TRAPPC6B: variants seen among roughly 807,000 people sequenced by gnomAD.
The protein encoded by TRAPPC6B is trafficking protein particle complex subunit 6B.
TRAPPC6B carries 27 observed loss-of-function variants against 24.7 expected under a neutral mutation model. That is an observed-to-expected ratio of 1.09 (90% CI 0.81 to 1.51). TRAPPC6B has a LOEUF of 1.51. TRAPPC6B is among the 40% of genes most tolerant of loss of function. The pLI is 0.00. For synonymous variants in TRAPPC6B, 80 were observed against 66.6 expected (o/e 1.20, Z -0.98); for missense variants, 212 against 190.8 (o/e 1.11, Z -0.66).
At chr14:39,169,205 C>A (rs559633044) in intron 1 of TRAPPC6B, among the ~76,000 whole-genome samples, 2 of 152,278 alleles carry the variant, frequency 1.3e-5, no homozygotes, top group South Asian at 4.1e-4. Flanking sequence ...ATTCTACCAG[C>A]CAATACTCAG....
At chr14:39,153,373 A>G (rs2052937366) in intron 4 of TRAPPC6B, among the ~76,000 whole-genome samples, 1 of 152,096 alleles carries the variant, frequency 6.6e-6, no homozygotes. Context: ...CACACCTGTA[A>G]TCCCAACACA....
At position 39,154,211 on chromosome 14, in the gene TRAPPC6B, C is replaced by T; in HGVS notation, c.351G>A (p.Lys117=). ...AGKQYLEHAS[K]YLAFTCGLIR... ...CCCCAACTTCTATTCCATTAAATACCTTAGATGCATGTTCTAAATACTGTT... is the reference window on the plus strand; with the variant it reads ...CCCCAACTTCTATTCCATTAAATACTTTAGATGCATGTTCTAAATACTGTT... Residue 117 remains lysine (K), a splice_region_variant and synonymous_variant, in exon 4 of 6, where the codon AAG becomes AAA. Transcript: ENST00000330149. 1 of 1,604,864 alleles carries T rather than the reference C, an allele frequency of 6.2e-7. No individual in the cohort carries two copies. Among genetic ancestry groups the T allele is most frequent in the Non-Finnish European group, 8.5e-7 (1 of 1,172,372 alleles).
At chr14:39,166,911 G>A (rs2053114167) in intron 1 of TRAPPC6B, among the ~76,000 whole-genome samples, 1 of 152,060 alleles carries the variant, frequency 6.6e-6, no homozygotes, top group African/African-American at 2.4e-5. Context: ...TGCATGTTTG[G>A]GGAGGCTGAT....
chr14:39,153,147 C>T (rs2052934594), intron 4 of TRAPPC6B, among the ~76,000 whole-genome samples: 1 of 151,732 alleles, frequency 6.6e-6, no homozygotes, highest in Non-Finnish European at 1.5e-5. Flanking sequence ...AAAAAATTAG[C>T]CAGGCATGGT....
At chr14:39,163,553 C>A (rs2053079927) in intron 1 of TRAPPC6B, among the ~76,000 whole-genome samples, 1 of 150,716 alleles carries the variant, frequency 6.6e-6, no homozygotes, top group East Asian at 1.9e-4. Flanking sequence ...AATCTGTCTC[C>A]ACAGAACTTC....
At chr14:39,156,555 T>C (rs2052981338) in intron 3 of TRAPPC6B, among the ~76,000 whole-genome samples, 2 of 152,164 alleles carry the variant, frequency 1.3e-5, no homozygotes, top group African/African-American at 2.4e-5. Context: ...AAAGCGAGAC[T>C]CTGTCTCCCT....
chr14:39,150,442 T>C lies in TRAPPC6B; in HGVS notation c.446-61A>G, dbSNP rs2052898521. 2.4e-6 allele frequency: 3 copies of C among 1,268,060 alleles called. No homozygotes were observed. In the East Asian group the frequency reaches 7.2e-5, roughly 31 times the overall value. The allele number at this position is 1,268,060 out of a possible 1,614,324, so 78.6% of individuals were successfully genotyped here. ...GATACAAAGAAAACAAGTCTAAACATCAATTTTCTGTTCCATATAGGAAAT... is the reference window on the plus strand; with the variant it reads ...GATACAAAGAAAACAAGTCTAAACACCAATTTTCTGTTCCATATAGGAAAT... On this transcript the variant is annotated intron_variant, in intron 5 of 5. Transcript: ENST00000330149.
At chr14:39,155,789 G>A (rs1025132353) in intron 3 of TRAPPC6B, among the ~76,000 whole-genome samples, 10 of 151,834 alleles carry the variant, frequency 6.6e-5, no homozygotes, top group African/African-American at 2.2e-4. Flanking sequence ...TGCCCACCTC[G>A]GCCTCCCAAA....
At position 39,170,019 on chromosome 14, in the gene TRAPPC6B, T is replaced by C. The variant is rs763287802; in HGVS notation, c.77A>G (p.Glu26Gly). Residue 26 changes from glutamate (E) to glycine (G), a missense_variant, in exon 1 of 6, where the codon GAG becomes GGG. By Grantham distance (98) the Glu-to-Gly change is moderately conservative (BLOSUM62 -2). Coordinates refer to ENST00000330149, the MANE Select transcript of TRAPPC6B (RefSeq NM_001079537.2). ...AGGTTGTGTGGCAGCACTCACCACC[T>C]CCCCCTGCTCCGCGGACTTGTACAC... is the stretch of plus-strand genomic sequence containing the variant. ...SGVYKSAEQG[E>G]VENGRCITKL... 3.7e-6 allele frequency: 6 copies of C among 1,613,472 alleles called. No homozygotes were observed. The South Asian group carries it at 6.6e-5, about 18-fold the overall frequency.
intron 1 of TRAPPC6B, among the ~76,000 whole-genome samples, chr14:39,162,774 C>A (rs1804941958): frequency 1.3e-5 from 2 of 152,176 alleles, no homozygotes; most frequent in Admixed American, 6.5e-5. Flanking sequence ...AATCTTAAGG[C>A]TTGAAATAGT....
intron 5 of TRAPPC6B, among the ~76,000 whole-genome samples, chr14:39,151,256 G>A (rs1032943893): frequency 6.6e-6 from 1 of 152,034 alleles, no homozygotes; most frequent in Admixed American, 6.6e-5. Flanking sequence ...TGGGCGTGGT[G>A]GCAGGCAACT....
chr14:39,151,331 A>G (rs187968771), intron 5 of TRAPPC6B, among the ~76,000 whole-genome samples: 2,201 of 144,002 alleles, frequency 0.015, 52 homozygotes, highest in African/African-American at 0.053. Context: ...TGGAGCTTGC[A>G]GTGAGCCGAG....
At chr14:39,165,536 T>A (rs147790124) in intron 1 of TRAPPC6B, among the ~76,000 whole-genome samples, 185 of 152,304 alleles carry the variant, frequency 1.2e-3, no homozygotes, top group African/African-American at 4.3e-3. Context: ...TGCTCATGCC[T>A]ATAATCCCAG....
intron 1 of TRAPPC6B, among the ~76,000 whole-genome samples, chr14:39,167,224 T>C (rs2053118021): frequency 6.6e-6 from 1 of 152,184 alleles, no homozygotes; most frequent in South Asian, 2.1e-4. Context: ...TCACCATAAA[T>C]TGAGAAATGC....
chr14:39,161,865 C>T (rs1405422750), intron 1 of TRAPPC6B, among the ~76,000 whole-genome samples: 1 of 152,192 alleles, frequency 6.6e-6, no homozygotes, highest in Non-Finnish European at 1.5e-5. Flanking sequence ...GAAGCTAGGT[C>T]AATTTCTGGT....
chr14:39,151,678 A>T (rs2052915751), intron 5 of TRAPPC6B, 68 bp downstream of exon 5: 4 of 1,176,104 alleles, frequency 3.4e-6, no homozygotes, highest in Non-Finnish European at 4.8e-6. Flanking sequence ...TCTCAGTTAA[A>T]TTAAAAAAAA....
intron 1 of TRAPPC6B, among the ~76,000 whole-genome samples, chr14:39,160,903 C>A (rs974915119): frequency 6.6e-6 from 1 of 152,084 alleles, no homozygotes; most frequent in Non-Finnish European, 1.5e-5. Context: ...TTAGTTAACA[C>A]GTAGTAGAAT....
intron 3 of TRAPPC6B, among the ~76,000 whole-genome samples, 176 bp from the exon 4 acceptor site, chr14:39,154,470 A>G (rs2052953093): frequency 6.6e-6 from 1 of 152,172 alleles, no homozygotes; most frequent in Non-Finnish European, 1.5e-5. Flanking sequence ...CCCAGGGTAG[A>G]ATGCAGTGGC....
At chr14:39,165,373 T>G (rs1238452106) in intron 1 of TRAPPC6B, among the ~76,000 whole-genome samples, 1 of 152,104 alleles carries the variant, frequency 6.6e-6, no homozygotes, top group East Asian at 1.9e-4. Context: ...GCTCAAGTAT[T>G]ACATTCTCCC....
Sources: gnomAD v4.1 joint callset for allele counts (sites outside exome capture counted in the v4.1 genomes callset) on GRCh38, gnomAD v4.1.1 for gene constraint, MANE v1.5 for transcripts, NCBI Gene and HGNC (gene_info 2026-07-23, HGNC 2026-07-21) for gene names.